Variants in SEC61G observed in about 807,000 individuals in gnomAD.
SEC61G encodes the protein protein transport protein Sec61 subunit gamma.
SEC61G carries 4 observed loss-of-function variants against 7.5 expected under a neutral mutation model. That is an observed-to-expected ratio of 0.54 (90% confidence interval 0.26 to 1.22). SEC61G has a LOEUF of 1.22. Ranked by LOEUF, SEC61G falls within the 50% of genes most tolerant of loss-of-function variation. The probability of loss-of-function intolerance (pLI) is 0.12; values close to 1 mark genes in which losing one functional copy is unlikely to be tolerated. For missense variants in SEC61G, 53 were observed against 84.6 expected (o/e 0.63, Z 1.46); for synonymous variants, 24 against 24.4 (o/e 0.98, Z 0.05).
intron 3 of SEC61G, among the ~76,000 whole-genome samples, chr7:54,754,173 T>C (rs115283353): frequency 1.3e-5 from 2 of 152,086 alleles, no homozygotes; most frequent in South Asian, 2.1e-4. Context: ...GGGAAAAAAT[T>C]TGAAAGGTGC....
intron 2 of SEC61G, 74 bp from the exon 3 acceptor site, chr7:54,755,955 C>G: frequency 1.4e-6 from 1 of 727,874 alleles, no homozygotes; most frequent in African/African-American, 1.8e-5. Context: ...CTATCAGCAA[C>G]ATAAATGAAC....
At chr7:54,752,821 CA>C (rs1791440663) in intron 3 of SEC61G, among the ~76,000 whole-genome samples, 2 of 152,298 alleles carry the variant, frequency 1.3e-5, no homozygotes, top group South Asian at 4.1e-4. Context: ...ACAAGGTACT[CA>C]AGCACTGCAT....
At chr7:54,754,930 G>C (rs1447142198) in intron 3 of SEC61G, 19 of 151,996 alleles carry the variant, frequency 1.3e-4, no homozygotes, top group Admixed American at 7.9e-4. Flanking sequence ...TTATTATCAG[G>C]TAATAATAGA....
Position 54,757,659 on chromosome 7 carries a change from T to C in SEC61G, c.-6-65A>G, listed in dbSNP as rs1252739774. 15 of 1,288,238 alleles carry C rather than the reference T, an allele frequency of 1.2e-5. No individual in the cohort carries two copies. The East Asian group carries it at 2.6e-4, about 22-fold the overall frequency. 79.8% of individuals were successfully genotyped at this position (1,288,238 alleles called of 1,614,324 possible). A position where few individuals can be genotyped will look rare whatever the true frequency, so the allele number is the denominator to read the frequency against. On this transcript the variant is annotated intron_variant, in intron 1 of 3. Transcript: ENST00000352861. The stretch of plus-strand genomic sequence containing the variant: ...CATACAATAAGCACTTGCTCATTTA[T>C]ATAAAGATGTAAATGAGACCAGCCA...
At chr7:54,758,733 A>G (rs988655834) in intron 1 of SEC61G, among the ~76,000 whole-genome samples, 8 of 152,168 alleles carry the variant, frequency 5.3e-5, no homozygotes, top group Non-Finnish European at 7.3e-5. Context: ...CTCTCGAACT[A>G]GACTCTAGAC....
At chr7:54,755,074 G>A (rs1412274854) in intron 3 of SEC61G, 1 of 152,014 alleles carries the variant, frequency 6.6e-6, no homozygotes, top group Admixed American at 6.6e-5. Flanking sequence ...ATGCCACAAG[G>A]TGTCCCAATG....
At chr7:54,757,206 T>C (rs992518038) in intron 2 of SEC61G, among the ~76,000 whole-genome samples, 3 of 151,920 alleles carry the variant, frequency 2.0e-5, no homozygotes, top group African/African-American at 7.2e-5. Context: ...TCAAAGCTTT[T>C]CCAAAGAGAA....
chr7:54,759,199 G>A lies in SEC61G; in HGVS notation c.-48C>T, dbSNP rs751956195. The A allele has an allele frequency of 1.2e-5, 6 of 518,938 alleles. No homozygotes were observed. The highest frequency in any genetic ancestry group is 1.9e-5 in the Admixed American group (1 of 51,590). 32.1% of individuals were successfully genotyped at this position (518,938 alleles called of 1,614,324 possible). A position where few individuals can be genotyped will look rare whatever the true frequency, so the allele number is the denominator to read the frequency against. On this transcript the variant is annotated 5_prime_UTR_variant, in exon 1 of 4. Coordinates refer to ENST00000352861, the MANE Select transcript of SEC61G (RefSeq NM_014302.4). ...TAAAATGCCAGGGACACGTAGCACT[G>A]GAGCTTGCTGATGGAGGCCCACCGG... is the stretch of plus-strand genomic sequence containing the variant.
At chr7:54,752,939 A>G (rs1427419550) in intron 3 of SEC61G, among the ~76,000 whole-genome samples, 3 of 152,246 alleles carry the variant, frequency 2.0e-5, no homozygotes, top group African/African-American at 7.2e-5. Context: ...AAAACTGCAT[A>G]GTCAGATATA....
At chr7:54,759,116 G>A (rs754097664) in intron 1 of SEC61G, 42 bp downstream of exon 1, 2 of 510,476 alleles carry the variant, frequency 3.9e-6, no homozygotes, top group African/African-American at 1.9e-5. Context: ...CAAAGGTGTG[G>A]CCGCCCCGTT....
At position 54,757,935 on chromosome 7, in the gene SEC61G, G is replaced by C. The variant is rs183375235; in HGVS notation, c.-6-341C>G. On this transcript the variant is annotated intron_variant, in intron 1 of 3. Transcript: ENST00000352861. ...CATCCATTCCTTTTCTCACTCTGCA[G>C]TCCCATCCATTTCTCATTCTACAGT... Among the ~76,000 whole-genome samples the C allele has an allele frequency of 4.9e-3, 740 of 152,290 alleles. 5 individuals are homozygous for C. The highest frequency in any genetic ancestry group is 0.017 in the African/African-American group (687 of 41,548).
chr7:54,757,863 A>G (rs1383553012), intron 1 of SEC61G, among the ~76,000 whole-genome samples: 1 of 152,242 alleles, frequency 6.6e-6, no homozygotes, highest in East Asian at 1.9e-4. Context: ...CAATATAAAA[A>G]GCCTATCTCT....
intron 1 of SEC61G, among the ~76,000 whole-genome samples, chr7:54,758,033 G>A (rs756152963): frequency 1.3e-5 from 2 of 152,128 alleles, no homozygotes; most frequent in African/African-American, 4.8e-5. Flanking sequence ...TTTAAACTAC[G>A]CAGAAGCCAG....
chr7:54,756,834 ATTTG>A (rs1030555353), intron 2 of SEC61G, among the ~76,000 whole-genome samples: 2 of 151,488 alleles, frequency 1.3e-5, no homozygotes, highest in African/African-American at 2.4e-5. Context: ...AACCGCAATA[ATTTG>A]TTTATGACAG....
chr7:54,758,859 G>C (rs1204629989), intron 1 of SEC61G, among the ~76,000 whole-genome samples: 2 of 152,196 alleles, frequency 1.3e-5, no homozygotes, highest in Non-Finnish European at 1.5e-5. Context: ...TCGGGCAGCA[G>C]GACATCATCT....
intron 2 of SEC61G, 120 bp from the exon 3 acceptor site, chr7:54,756,001 T>A: frequency 2.1e-6 from 1 of 475,824 alleles, no homozygotes; most frequent in South Asian, 4.3e-5. Flanking sequence ...AATAGATATA[T>A]AATTTAAAAA....
At chr7:54,752,704 C>CA (rs1469053471) in intron 3 of SEC61G, among the ~76,000 whole-genome samples, 3 of 152,100 alleles carry the variant, frequency 2.0e-5, no homozygotes, top group African/African-American at 7.2e-5. Context: ...CTGAACACAA[C>CA]AAAAAATATC....
At chr7:54,753,081 G>A (rs1467421021) in intron 3 of SEC61G, among the ~76,000 whole-genome samples, 1 of 152,034 alleles carries the variant, frequency 6.6e-6, no homozygotes, top group African/African-American at 2.4e-5. Flanking sequence ...CCTGAGGTCA[G>A]GAGTTCGAGA....
chr7:54,754,084 A>G (rs1791462437), intron 3 of SEC61G, among the ~76,000 whole-genome samples: 1 of 152,210 alleles, frequency 6.6e-6, no homozygotes, highest in Non-Finnish European at 1.5e-5. Flanking sequence ...TCTAATATGA[A>G]AAGACGGACC....
Sources: allele counts gnomAD v4.1 joint callset (sites outside exome capture counted in the v4.1 genomes callset), GRCh38; gene constraint gnomAD v4.1.1; transcripts MANE v1.5; gene names NCBI Gene and HGNC (gene_info 2026-07-23, HGNC 2026-07-21).